The following PDE8B variants were observed in gnomAD, a reference collection of about 807,000 sequenced individuals.
PDE8B encodes high affinity cAMP-specific and IBMX-insensitive 3',5'-cyclic phosphodiesterase 8B.
In PDE8B, 26 loss-of-function variants were observed where a neutral mutation model predicts 101.3. The observed-to-expected ratio is 0.26, with a 90% CI of 0.19 to 0.36. PDE8B has a LOEUF of 0.36. PDE8B is among the 10% of genes least tolerant of loss of function. PDE8B has a pLI of 1.00. For missense variants in PDE8B, 810 were observed against 1,163.1 expected, an observed-to-expected ratio of 0.70 and a Z score of 4.42; for synonymous variants, 424 against 429.3, an observed-to-expected ratio of 0.99 and a Z score of 0.15.
chr5:77,336,735 T>C (rs1014428102), intron 5 of PDE8B, among the ~76,000 whole-genome samples: 3 of 152,222 alleles, frequency 2.0e-5, no homozygotes, highest in African/African-American at 7.2e-5. Context: ...CTTTTGAGTA[T>C]ATACCTAGGA....
chr5:77,207,142 C>G (rs538110213), upstream of PDE8B, among the ~76,000 whole-genome samples: 1 of 152,352 alleles, frequency 6.6e-6, no homozygotes, highest in East Asian at 1.9e-4. Flanking sequence ...CCATTAGGAA[C>G]ACAGTTTGAA....
intron 12 of PDE8B, 55 bp downstream of exon 12, chr5:77,404,852 G>A (rs1793108284): frequency 8.7e-7 from 1 of 1,145,530 alleles, no homozygotes; most frequent in South Asian, 1.2e-5. Context: ...AATGATGGAA[G>A]AATATGTTAA....
intron 19 of PDE8B, 121 bp from the exon 20 acceptor site, chr5:77,421,700 C>T: frequency 1.1e-6 from 1 of 872,390 alleles, no homozygotes; most frequent in Non-Finnish European, 1.9e-6. Flanking sequence ...GAAAAGCTGC[C>T]TTCGCCGAGT....
In PDE8B at chr5:77,330,860, T is replaced by G. The variant is rs568522336; in HGVS notation, c.651-542T>G. Among the ~76,000 whole-genome samples the G allele has an allele frequency of 1.6e-3, 249 of 152,312 alleles. 2 individuals carry two copies. The highest frequency in any genetic ancestry group is 5.8e-3 in the African/African-American group (242 of 41,570). On this transcript the variant is annotated intron_variant, in intron 4 of 21. Transcript: ENST00000264917. Reference sequence around the variant, plus strand: ...AGTAAGCTCACTATAGCAAACCCTCTTGTGAAATGAGTAGCAATTATCCAT... The same window carrying G: ...AGTAAGCTCACTATAGCAAACCCTCGTGTGAAATGAGTAGCAATTATCCAT...
upstream of PDE8B, among the ~76,000 whole-genome samples, chr5:77,210,190 G>C (rs1747936312): frequency 6.6e-6 from 1 of 152,196 alleles, no homozygotes; most frequent in Non-Finnish European, 1.5e-5. The surrounding 1 kb of genome is among the most constrained non-coding windows in gnomAD (Gnocchi z 4.9). Flanking sequence ...CCCTTCAGGG[G>C]AAGAGGGGCT....
At chr5:77,094,802 A>T in the PDE8B span, among the ~76,000 whole-genome samples, 1 of 152,154 alleles carries the variant, frequency 6.6e-6, no homozygotes, top group African/African-American at 2.4e-5. Flanking sequence ...AAGAGAGAGT[A>T]GAGGGAGGCA....
intron 1 of PDE8B, among the ~76,000 whole-genome samples, chr5:77,216,393 T>C (rs533854088): frequency 8.5e-5 from 13 of 152,306 alleles, no homozygotes; most frequent in East Asian, 1.9e-4. Flanking sequence ...GCGAAAGGCA[T>C]GTCTTACATG....
intron 10 of PDE8B, among the ~76,000 whole-genome samples, chr5:77,374,923 G>C (rs1441539508): frequency 6.6e-6 from 1 of 152,010 alleles, no homozygotes; most frequent in Non-Finnish European, 1.5e-5. Context: ...CAGGTCAGTA[G>C]GTGTCTTTGC....
the PDE8B span, chr5:77,115,406 G>T: frequency 2.0e-5 from 3 of 152,164 alleles, no homozygotes; most frequent in Non-Finnish European, 4.4e-5. Context: ...GGAATATAAA[G>T]AAACATTTCA....
At chr5:77,378,050 C>CACACACACACACA (rs1297659516) in intron 10 of PDE8B, among the ~76,000 whole-genome samples, 81 of 110,266 alleles carry the variant, frequency 7.3e-4, no homozygotes, top group African/African-American at 4.2e-3. Context: ...ACACACACAC[C>CACACACACACACA]CCCTGTTGGT....
Position 77,272,784 on chromosome 5 carries a change from C to A in PDE8B, c.340-39210C>A, listed in dbSNP as rs566843389. Among the ~76,000 whole-genome samples the A allele has an allele frequency of 1.4e-4, 21 of 152,262 alleles. No individual in the cohort carries two copies. In the South Asian group the frequency reaches 4.1e-3, roughly 30 times the overall value. ...CATAGTATAAAGGGGGCAAAAATAA[C>A]CGAAGGTCCTAGCAAGAGCCATATG... On this transcript the variant is annotated intron_variant, in intron 1 of 21. Coordinates refer to ENST00000264917, the MANE Select transcript of PDE8B (RefSeq NM_003719.5).
chr5:77,117,938 T>G, the PDE8B span, among the ~76,000 whole-genome samples: 3 of 152,026 alleles, frequency 2.0e-5, no homozygotes, highest in Admixed American at 6.6e-5. Flanking sequence ...TTTTTGGTGG[T>G]GGTGGTTGTT....
At chr5:77,390,416 G>A (rs1789665598) in intron 10 of PDE8B, among the ~76,000 whole-genome samples, 1 of 152,206 alleles carries the variant, frequency 6.6e-6, no homozygotes, top group Non-Finnish European at 1.5e-5. Flanking sequence ...ACAGGCCAAG[G>A]AGAGCAGTAT....
At chr5:77,155,264 C>T in the PDE8B span, among the ~76,000 whole-genome samples, 1 of 152,156 alleles carries the variant, frequency 6.6e-6, no homozygotes, top group Non-Finnish European at 1.5e-5. Flanking sequence ...TTTAACACTG[C>T]AACTACTTTT....
At chr5:77,404,599 T>A in intron 11 of PDE8B, 121 bp from the exon 12 acceptor site, 1 of 677,292 alleles carries the variant, frequency 1.5e-6, no homozygotes, top group Admixed American at 2.4e-5. Flanking sequence ...CTTAAAATTA[T>A]TTTATAGTGC....
At chr5:77,192,083 A>G in the PDE8B span, among the ~76,000 whole-genome samples, 1 of 152,206 alleles carries the variant, frequency 6.6e-6, no homozygotes, top group Non-Finnish European at 1.5e-5. Context: ...GGCAGTGGCT[A>G]TAAATAGAGA....
At chr5:77,303,365 C>T (rs542528005) in intron 1 of PDE8B, among the ~76,000 whole-genome samples, 4 of 152,130 alleles carry the variant, frequency 2.6e-5, no homozygotes, top group Middle Eastern at 3.4e-3. Flanking sequence ...CACGGTGAAA[C>T]CCCGTCTCTA....
chr5:77,203,308 A>G, the PDE8B span, among the ~76,000 whole-genome samples: 1 of 152,198 alleles, frequency 6.6e-6, no homozygotes, highest in Non-Finnish European at 1.5e-5. Context: ...TCTCCCGGAT[A>G]ATTTCCACCC....
Position 77,378,046 on chromosome 5 carries a change from A to ACACACACC in PDE8B, c.1168-22199_1168-22198insACACCCAC, listed in dbSNP as rs1554093112. The stretch of plus-strand genomic sequence containing the variant: ...CACACACACACACACACACACACAC[A>ACACACACC]CACCCCCTGTTGGTTCTTTGTCTAG... On this transcript the variant is annotated intron_variant, in intron 10 of 21. Transcript: ENST00000264917. Among the ~76,000 whole-genome samples, 86 of 99,564 alleles carry ACACACACC rather than the reference A, an allele frequency of 8.6e-4. 1 individual carries two copies. Among genetic ancestry groups the ACACACACC allele is most frequent in the East Asian group, 6.6e-3 (27 of 4,114 alleles). The allele number at this position is 99,564 out of a possible 152,430, so 65.3% of individuals were successfully genotyped here. A position where few individuals can be genotyped will look rare whatever the true frequency, so the allele number is the denominator to read the frequency against.
Sources: gnomAD v4.1 joint callset for allele counts (sites outside exome capture counted in the v4.1 genomes callset) on GRCh38, gnomAD v4.1.1 for gene constraint, Gnocchi (gnomAD v3.1) non-coding constraint, MANE v1.5 for transcripts, NCBI Gene and HGNC (gene_info 2026-07-23, HGNC 2026-07-21) for gene names.